TRAPPC6A: variants seen among roughly 807,000 people sequenced by gnomAD.
TRAPPC6A encodes trafficking protein particle complex subunit 6A, also known as TRAPP complex subunit 6A.
TRAPPC6A carries 25 observed loss-of-function variants against 20.8 expected under a neutral mutation model. The ratio of observed to expected loss-of-function variants is 1.20; its 90% CI spans 0.88 to 1.68. The LOEUF is 1.68. Ranked by LOEUF, TRAPPC6A falls within the 40% of genes most tolerant of loss-of-function variation. The probability of loss-of-function intolerance (pLI) is 0.00; values close to 1 mark genes in which losing one functional copy is unlikely to be tolerated. For missense variants in TRAPPC6A, 215 were observed against 211.6 expected, an observed-to-expected ratio of 1.02 and a Z score of -0.10; for synonymous variants, 96 against 93.3, an observed-to-expected ratio of 1.03 and a Z score of -0.16.
intron 1 of TRAPPC6A, among the ~76,000 whole-genome samples, chr19:45,175,188 G>A (rs557125651): frequency 6.6e-6 from 1 of 151,750 alleles, no homozygotes; most frequent in Non-Finnish European, 1.5e-5. Context: ...GTGAACCCGG[G>A]AGGCAGAGCT....
At chr19:45,177,344 CTTTT>C (rs902126597) in intron 1 of TRAPPC6A, among the ~76,000 whole-genome samples, 1 of 147,380 alleles carries the variant, frequency 6.8e-6, no homozygotes, top group South Asian at 2.1e-4. Flanking sequence ...CCCATTATCT[CTTTT>C]TTTTTTTTCC....
At chr19:45,174,171 C>T (rs1969317581) in intron 1 of TRAPPC6A, among the ~76,000 whole-genome samples, 1 of 152,208 alleles carries the variant, frequency 6.6e-6, no homozygotes, top group East Asian at 1.9e-4. Context: ...CTCCGTCCAT[C>T]AAAGCCTCCG....
chr19:45,170,618 C>T (rs1030816764), intron 1 of TRAPPC6A, among the ~76,000 whole-genome samples: 4 of 152,230 alleles, frequency 2.6e-5, no homozygotes, highest in African/African-American at 7.2e-5. Flanking sequence ...GTTTGAATCT[C>T]GGCCCCGCCA....
chr19:45,169,937 T>C (rs1969235136), intron 1 of TRAPPC6A, among the ~76,000 whole-genome samples: 1 of 152,180 alleles, frequency 6.6e-6, no homozygotes, highest in Non-Finnish European at 1.5e-5. Flanking sequence ...CCTAGTGTCC[T>C]CCAGGAGCTC....
intron 1 of TRAPPC6A, among the ~76,000 whole-genome samples, chr19:45,176,043 A>C (rs1969365716): frequency 6.6e-6 from 1 of 152,042 alleles, no homozygotes; most frequent in Admixed American, 6.6e-5. Context: ...CCCAGGCTGG[A>C]GTGCAGTGGC....
chr19:45,178,182 C>A lies in TRAPPC6A; in HGVS notation c.37G>T (p.Glu13Ter), dbSNP rs796520413. ...DTVLFEFLHT[E>*]MVAELWAHDP... ...TGAGCCCACAGCTCAGCCACCATCT[C>A]CGTGTGAAGAAACTCAAACAACACA... The change falls in exon 1 of 6, where the codon GAG (glutamate) becomes TAG (stop). Residue 13 changes from glutamate to a stop codon, truncating the protein, a stop_gained. Transcript: ENST00000585934. LOFTEE classifies it high-confidence loss of function. 6.2e-7 allele frequency: 1 copy of A among 1,611,740 alleles called. No individual in the cohort carries two copies. The highest frequency in any genetic ancestry group is 8.5e-7 in the Non-Finnish European group (1 of 1,178,276).
rs771189750 is a variant in TRAPPC6A at position 45,163,247 on chromosome 19, G to A, written c.449-24C>T. ...ACCTGGAAGAGAAGGCCTGGCTTAG[G>A]CTTGAGGATGGGATGGGGGAGGCAG... is the stretch of plus-strand genomic sequence containing the variant. On this transcript the variant is annotated intron_variant, in intron 5 of 5. Coordinates refer to ENST00000585934, the MANE Select transcript of TRAPPC6A (RefSeq NM_001270891.2). This position sits in a 1 kb window ranked among gnomAD's most constrained non-coding sequence, Gnocchi z 5.3. 1.2e-6 allele frequency: 2 copies of A among 1,613,672 alleles called. No homozygotes were observed. The highest frequency in any genetic ancestry group is 2.2e-5 in the South Asian group (2 of 91,050).
intron 1 of TRAPPC6A, 115 bp downstream of exon 1, chr19:45,178,020 C>A: frequency 6.5e-7 from 1 of 1,550,350 alleles, no homozygotes; most frequent in Non-Finnish European, 8.7e-7. Context: ...CAGACGTTGC[C>A]CTGCAAGGCC....
At chr19:45,176,625 T>C (rs1969381209) in intron 1 of TRAPPC6A, among the ~76,000 whole-genome samples, 1 of 152,162 alleles carries the variant, frequency 6.6e-6, no homozygotes, top group South Asian at 2.1e-4. Context: ...GCTAAATGCA[T>C]TTTTGATTTA....
chr19:45,172,748 G>A lies in TRAPPC6A; in HGVS notation c.84+5387C>T, dbSNP rs1969291820. Among the ~76,000 whole-genome samples, 1 of 151,708 alleles carries A rather than the reference G, an allele frequency of 6.6e-6. No homozygotes were observed. Among genetic ancestry groups the A allele is most frequent in the Admixed American group, 6.6e-5 (1 of 15,256 alleles). ...GAAGGTTGAGCCCACCACAGCCTCT[G>A]CCTTAAGCTCCTGCAACAGCGGGGC... is the stretch of plus-strand genomic sequence containing the variant. On this transcript the variant is annotated intron_variant, in intron 1 of 5. Transcript: ENST00000585934. This position sits in a 1 kb window ranked among gnomAD's most constrained non-coding sequence, Gnocchi z 4.2.
rs1254606439 is a variant in TRAPPC6A, at chr19:45,172,326, A to G, written c.84+5809T>C. ...TGAGTTCTAATTTTGCCTTTAAGAG[A>G]ACATTCTGCCCTGAACTGGGAGGGA... On this transcript the variant is annotated intron_variant, in intron 1 of 5. Transcript: ENST00000585934. This position sits in a 1 kb window ranked among gnomAD's most constrained non-coding sequence, Gnocchi z 4.2. 6.6e-6 allele frequency among the ~76,000 whole-genome samples: 1 copy of G among 151,452 alleles called. No homozygotes were observed. The highest frequency in any genetic ancestry group is 1.5e-5 in the Non-Finnish European group (1 of 68,014).
intron 1 of TRAPPC6A, among the ~76,000 whole-genome samples, chr19:45,171,299 C>CACAAA (rs150712507): frequency 0.028 from 4,266 of 149,876 alleles, 87 homozygotes; most frequent in African/African-American, 0.04. Context: ...GAGACTCAGT[C>CACAAA]ACAAAACAAA....
At chr19:45,165,600 C>G (rs1969135125) in intron 1 of TRAPPC6A, among the ~76,000 whole-genome samples, 1 of 152,250 alleles carries the variant, frequency 6.6e-6, no homozygotes, top group African/African-American at 2.4e-5. Context: ...CCAAGATGCT[C>G]CAGGTGACCT....
In TRAPPC6A at chr19:45,162,979, G is replaced by T. The variant is rs943011556; in HGVS notation, c.*213C>A. 4.5e-6 allele frequency: 2 copies of T among 448,224 alleles called. No homozygotes were observed. Among genetic ancestry groups the T allele is most frequent in the African/African-American group, 4.0e-5 (2 of 49,514 alleles). The allele number at this position is 448,224 out of a possible 1,614,324, so 27.8% of individuals were successfully genotyped here. ...TGAGCAGCTACTGGGCAGTGACGCTGCCGAGGCGGGAATCCCACCACAGTC... is the reference window on the plus strand; with the variant it reads ...TGAGCAGCTACTGGGCAGTGACGCTTCCGAGGCGGGAATCCCACCACAGTC... On this transcript the variant is annotated 3_prime_UTR_variant, in exon 6 of 6. Coordinates refer to ENST00000585934, the MANE Select transcript of TRAPPC6A (RefSeq NM_001270891.2).
In TRAPPC6A at chr19:45,163,831, G is replaced by C. The variant is rs1969070758; in HGVS notation, c.448+85C>G. The C allele has an allele frequency of 2.4e-6, 3 of 1,231,378 alleles. No individual in the cohort carries two copies. Among genetic ancestry groups the C allele is most frequent in the Non-Finnish European group, 3.5e-6 (3 of 869,084 alleles). The allele number at this position is 1,231,378 out of a possible 1,614,324, so 76.3% of individuals were successfully genotyped here. A position where few individuals can be genotyped will look rare whatever the true frequency, so the allele number is the denominator to read the frequency against. ...ACTTAAAACTGGGCCTGCCTCCCAGGCACACACACAGGAGTGGGGCTGGAA... is the reference window on the plus strand; with the variant it reads ...ACTTAAAACTGGGCCTGCCTCCCAGCCACACACACAGGAGTGGGGCTGGAA... On this transcript the variant is annotated intron_variant, in intron 5 of 5. Coordinates refer to ENST00000585934, the MANE Select transcript of TRAPPC6A (RefSeq NM_001270891.2). This position sits in a 1 kb window ranked among gnomAD's most constrained non-coding sequence, Gnocchi z 5.3.
intron 1 of TRAPPC6A, among the ~76,000 whole-genome samples, chr19:45,174,756 G>T (rs1969329868): frequency 2.0e-5 from 3 of 151,990 alleles, no homozygotes; most frequent in African/African-American, 7.3e-5. Flanking sequence ...TTGAGCCCAG[G>T]AGTGTGAGGC....
At position 45,164,209 on chromosome 19, in the gene TRAPPC6A, G is replaced by A; in HGVS notation, c.309C>T (p.Leu103=). ...ACTGCAGGCCAGAGGCCATCGGGAG[G>A]AGGAGGGGGAAGCTGTTGTCTTGCA... ...YVLQDNSFPL[L]LPMASGLQYL... Residue 103 remains leucine (L), a synonymous_variant, in exon 4 of 6, where the codon CTC becomes CTT. Coordinates refer to ENST00000585934, the MANE Select transcript of TRAPPC6A (RefSeq NM_001270891.2). 1 of 1,610,324 alleles carries A rather than the reference G, an allele frequency of 6.2e-7. No individual in the cohort carries two copies. The highest frequency in any genetic ancestry group is 2.2e-5 in the East Asian group (1 of 44,838).
In TRAPPC6A at chr19:45,163,004, C is replaced by A; in HGVS notation, c.*188G>T. On this transcript the variant is annotated 3_prime_UTR_variant, in exon 6 of 6. Transcript: ENST00000585934. The surrounding 1 kb of genome is among the most constrained non-coding windows in gnomAD (Gnocchi z 5.3). ...GCCGAGGCGGGAATCCCACCACAGT[C>A]CTGACCGCAGCTGGGACCCCTTTGC... 1 of 584,880 alleles carries A rather than the reference C, an allele frequency of 1.7e-6. No homozygotes were observed. Among genetic ancestry groups the A allele is most frequent in the South Asian group, 2.2e-5 (1 of 44,788 alleles). The allele number at this position is 584,880 out of a possible 1,614,324, so 36.2% of individuals were successfully genotyped here. A position where few individuals can be genotyped will look rare whatever the true frequency, so the allele number is the denominator to read the frequency against.
intron 1 of TRAPPC6A, among the ~76,000 whole-genome samples, chr19:45,168,661 G>A (rs1414587426): frequency 1.3e-5 from 2 of 152,184 alleles, no homozygotes; most frequent in Admixed American, 6.5e-5. Context: ...TTCCAGGACC[G>A]GCATACTGTG....
Sources: allele counts gnomAD v4.1 joint callset (sites outside exome capture counted in the v4.1 genomes callset), GRCh38; gene constraint gnomAD v4.1.1; non-coding constraint Gnocchi (gnomAD v3.1); transcripts MANE v1.5; gene names NCBI Gene and HGNC (gene_info 2026-07-23, HGNC 2026-07-21).